Variants in AGBL1 observed in about 807,000 individuals in gnomAD.
The protein encoded by AGBL1 is cytosolic carboxypeptidase 4.
A neutral mutation model predicts 118.9 loss-of-function variants in AGBL1; 130 were observed. That is an observed-to-expected ratio of 1.09 (90% CI 0.95 to 1.26). AGBL1 has a LOEUF of 1.26. Ranked by LOEUF, AGBL1 falls within the 50% of genes most tolerant of loss-of-function variation. AGBL1 has a pLI of 0.00. For synonymous variants in AGBL1, 555 were observed against 478.9 expected (o/e 1.16, Z -2.08); for missense variants, 1,584 against 1,298.1 (o/e 1.22, Z -3.38).
chr15:86,968,587 T>A (rs1377636859), intron 23 of AGBL1, among the ~76,000 whole-genome samples: 1 of 151,946 alleles, frequency 6.6e-6, no homozygotes, highest in Non-Finnish European at 1.5e-5. Context: ...GTAACTAAAT[T>A]TGGTCTGATT....
At chr15:86,858,981 C>A (rs1009340935) in intron 22 of AGBL1, among the ~76,000 whole-genome samples, 2 of 152,152 alleles carry the variant, frequency 1.3e-5, no homozygotes, top group Non-Finnish European at 2.9e-5. Flanking sequence ...GGCTACTTAC[C>A]TTTCCTAAGC....
intron 24 of AGBL1, among the ~76,000 whole-genome samples, chr15:86,991,946 G>T (rs984354094): frequency 6.6e-6 from 1 of 152,124 alleles, no homozygotes; most frequent in Non-Finnish European, 1.5e-5. Context: ...GTACATAGTA[G>T]ATACTGTTGG....
chr15:86,687,146 A>G (rs1451420298), intron 22 of AGBL1, among the ~76,000 whole-genome samples: 1 of 152,186 alleles, frequency 6.6e-6, no homozygotes, highest in Admixed American at 6.6e-5. Flanking sequence ...TGAAAAGGCT[A>G]TATATGGAAA....
At chr15:86,638,082 A>G (rs904200153) in intron 21 of AGBL1, among the ~76,000 whole-genome samples, 2 of 152,128 alleles carry the variant, frequency 1.3e-5, no homozygotes, top group East Asian at 3.9e-4. Context: ...ACTACTTCTC[A>G]TCTTCTTTCA....
At chr15:86,996,158 A>T (rs8035129) in intron 24 of AGBL1, among the ~76,000 whole-genome samples, 14,925 of 152,134 alleles carry the variant, frequency 0.098, 1,295 homozygotes, top group African/African-American at 0.23. Flanking sequence ...ATTTGTTCAT[A>T]TACCCAACTT....
Position 86,142,081 on chromosome 15 carries a change from G to A in AGBL1, c.115+14G>A, listed in dbSNP as rs577474539. The A allele has an allele frequency of 1.3e-6, 2 of 1,549,584 alleles. No individual in the cohort carries two copies. Among genetic ancestry groups the A allele is most frequent in the African/African-American group, 2.7e-5 (2 of 73,140 alleles). ...TGCTTTCTGTTGGTGAGTAGGCCAT[G>A]CTCTCATGCTTTCATATGGCGGATG... is the stretch of plus-strand genomic sequence containing the variant. On this transcript the variant is annotated intron_variant, in intron 2 of 22. Transcript: ENST00000614907.
At chr15:86,599,619 G>A (rs1184878350) in intron 21 of AGBL1, among the ~76,000 whole-genome samples, 1 of 152,110 alleles carries the variant, frequency 6.6e-6, no homozygotes, top group East Asian at 1.9e-4. Context: ...TTGGGTAAGT[G>A]CCTATAAGCG....
intron 21 of AGBL1, among the ~76,000 whole-genome samples, chr15:86,662,294 C>T (rs577695290): frequency 6.6e-6 from 1 of 152,210 alleles, no homozygotes; most frequent in Non-Finnish European, 1.5e-5. Flanking sequence ...TTTTATGGGG[C>T]ATTTACTCTG....
intron 5 of AGBL1, among the ~76,000 whole-genome samples, chr15:86,217,278 C>T (rs1026268897): frequency 4.6e-5 from 7 of 152,190 alleles, no homozygotes; most frequent in African/African-American, 1.4e-4. Context: ...AGCAGGTCCT[C>T]AGTAAATATT....
chr15:86,887,243 CTATT>C (rs1364085850), intron 22 of AGBL1, among the ~76,000 whole-genome samples: 2 of 152,148 alleles, frequency 1.3e-5, no homozygotes, highest in African/African-American at 2.4e-5. Flanking sequence ...ATGCATATAT[CTATT>C]TATGTATGTA....
At chr15:86,822,209 T>G (rs997669986) in intron 22 of AGBL1, among the ~76,000 whole-genome samples, 1 of 152,168 alleles carries the variant, frequency 6.6e-6, no homozygotes, top group Non-Finnish European at 1.5e-5. Context: ...ATGAGACTTC[T>G]CAGTGGAGAA....
intron 22 of AGBL1, among the ~76,000 whole-genome samples, chr15:86,850,305 C>T (rs1226663549): frequency 6.6e-6 from 1 of 152,322 alleles, no homozygotes; most frequent in South Asian, 2.1e-4. Context: ...TAAAAAGTGT[C>T]TGTACATGGC....
intron 21 of AGBL1, among the ~76,000 whole-genome samples, chr15:86,595,680 A>C (rs912815275): frequency 6.6e-6 from 1 of 152,128 alleles, no homozygotes; most frequent in Non-Finnish European, 1.5e-5. Context: ...CACAGATAAA[A>C]CCAATTTACT....
chr15:86,281,934 T>C (rs1382864007), intron 16 of AGBL1, among the ~76,000 whole-genome samples: 2 of 152,194 alleles, frequency 1.3e-5, no homozygotes, highest in African/African-American at 4.8e-5. Flanking sequence ...GTGCCGTGGA[T>C]GTGGTTCAGC....
intron 18 of AGBL1, among the ~76,000 whole-genome samples, chr15:86,475,059 C>T (rs185396406): frequency 6.6e-6 from 1 of 152,158 alleles, no homozygotes; most frequent in East Asian, 1.9e-4. Context: ...ACATCTACAC[C>T]AAAACCCCAT....
At position 86,799,095 on chromosome 15, in the gene AGBL1, A is replaced by G. The variant is rs527274790; in HGVS notation, c.3159-107992A>G. Among the ~76,000 whole-genome samples, 41 of 152,090 alleles carry G rather than the reference A, an allele frequency of 2.7e-4. No individual in the cohort carries two copies. In the South Asian group the frequency reaches 7.5e-3, roughly 28 times the overall value. On this transcript the variant is annotated intron_variant, in intron 22 of 22. Coordinates refer to ENST00000614907, the MANE Select transcript of AGBL1 (RefSeq NM_001386094.1). The stretch of plus-strand genomic sequence containing the variant: ...AATCAGACTCCAGATTCAAAGTCCT[A>G]TCTAGTAAGACAGTTCTCTCTGGTT...
intron 22 of AGBL1, among the ~76,000 whole-genome samples, chr15:86,738,564 T>C (rs2077634180): frequency 6.6e-6 from 1 of 152,178 alleles, no homozygotes; most frequent in African/African-American, 2.4e-5. Flanking sequence ...AAGGTCCCAT[T>C]TTTAACTACA....
intron 5 of AGBL1, among the ~76,000 whole-genome samples, chr15:86,191,328 A>C (rs906272010): frequency 7.2e-6 from 1 of 138,102 alleles, no homozygotes; most frequent in African/African-American, 2.9e-5. Context: ...AGCCTGGGCG[A>C]CAGGAGCAAA....
intron 22 of AGBL1, among the ~76,000 whole-genome samples, chr15:86,786,308 G>A (rs150563760): frequency 8.8e-4 from 133 of 151,460 alleles, no homozygotes; most frequent in East Asian, 4.5e-3. Context: ...TGATTCTTCC[G>A]GGACTAACAC....
Sources: allele counts gnomAD v4.1 joint callset (sites outside exome capture counted in the v4.1 genomes callset), GRCh38; gene constraint gnomAD v4.1.1; transcripts MANE v1.5; gene names NCBI Gene and HGNC (gene_info 2026-07-23, HGNC 2026-07-21).